Variants in SDK1 observed in about 807,000 individuals in gnomAD.
SDK1 encodes the protein protein sidekick-1.
A neutral mutation model predicts 245.5 loss-of-function variants in SDK1; 157 were observed. That is an observed-to-expected ratio of 0.64 (90% CI 0.56 to 0.73). The LOEUF (loss-of-function observed/expected upper bound fraction) is 0.73. Ranked by LOEUF, SDK1 falls within the 30% of genes least tolerant of loss-of-function variation. The probability of loss-of-function intolerance (pLI) is 0.00; values close to 1 mark genes in which losing one functional copy is unlikely to be tolerated. For missense variants in SDK1, 3,583 were observed against 3,002.3 expected (o/e 1.19, Z -4.52); for synonymous variants, 1,647 against 1,278.5 (o/e 1.29, Z -6.15).
chr7:3,901,797 T>A (rs751507923), intron 5 of SDK1, among the ~76,000 whole-genome samples: 7 of 152,266 alleles, frequency 4.6e-5, no homozygotes, highest in Non-Finnish European at 8.8e-5. Flanking sequence ...AGTCTTCTTC[T>A]GTAAGGAACT....
At chr7:3,822,666 G>T (rs1779674804) in intron 5 of SDK1, among the ~76,000 whole-genome samples, 3 of 152,152 alleles carry the variant, frequency 2.0e-5, no homozygotes, top group Admixed American at 1.3e-4. Flanking sequence ...TACAGGGGAG[G>T]CTGAGGCAGG....
At chr7:3,732,688 T>A (rs1195304776) in intron 4 of SDK1, among the ~76,000 whole-genome samples, 1 of 152,244 alleles carries the variant, frequency 6.6e-6, no homozygotes, top group Non-Finnish European at 1.5e-5. Flanking sequence ...GGCGCTGAAA[T>A]GTCTAGCCAC....
chr7:3,414,322 C>T (rs1227385922), intron 1 of SDK1, among the ~76,000 whole-genome samples: 8 of 152,162 alleles, frequency 5.3e-5, no homozygotes, highest in African/African-American at 1.7e-4. Flanking sequence ...CTGTTTGGCC[C>T]AGCCCACGGA....
At chr7:4,098,824 CTTTTTTTTTT>C (rs58678214) in intron 22 of SDK1, among the ~76,000 whole-genome samples, 3 of 82,864 alleles carry the variant, frequency 3.6e-5, no homozygotes, top group South Asian at 5.2e-4. Flanking sequence ...CCACAATGCC[CTTTTTTTTTT>C]TTTTTTTTTT....
chr7:4,149,475 G>A lies in SDK1; in HGVS notation c.4625+12G>A, dbSNP rs757897724. 4.8e-6 allele frequency: 7 copies of A among 1,449,858 alleles called. No individual in the cohort carries two copies. The highest frequency in any genetic ancestry group is 6.4e-6 in the Non-Finnish European group (7 of 1,096,808). The allele number at this position is 1,449,858 out of a possible 1,614,324, so 89.8% of individuals were successfully genotyped here. ...TGCGTCGTTGACAGGTACTGAGAGA[G>A]CAGGAGCACCTCCCCGGGGAACGGG... On this transcript the variant is annotated intron_variant, in intron 30 of 44. Transcript: ENST00000404826.
chr7:3,351,152 C>G (rs945963011), intron 1 of SDK1, among the ~76,000 whole-genome samples: 2 of 152,112 alleles, frequency 1.3e-5, no homozygotes, highest in African/African-American at 2.4e-5. Flanking sequence ...AATGGGCAGC[C>G]TTGTACTTCC....
chr7:4,103,559 ATTTTTGGTGATCATCTGTTT>A (rs1782712142), intron 22 of SDK1, among the ~76,000 whole-genome samples: 1 of 152,232 alleles, frequency 6.6e-6, no homozygotes, highest in Admixed American at 6.5e-5. Context: ...GTGTAGTTAC[ATTTTTGGTGATCATCTGTTT>A]TGGAGCTCCG....
At chr7:3,996,603 C>T (rs551605221) in intron 14 of SDK1, among the ~76,000 whole-genome samples, 1 of 152,224 alleles carries the variant, frequency 6.6e-6, no homozygotes, top group East Asian at 1.9e-4. Flanking sequence ...TGACTCATTG[C>T]TACTGTAAAT....
chr7:4,056,103 C>T (rs7804112), intron 19 of SDK1, among the ~76,000 whole-genome samples: 3 of 150,530 alleles, frequency 2.0e-5, no homozygotes, highest in Non-Finnish European at 4.4e-5. Flanking sequence ...GTCTATTTCT[C>T]CTTTTCAATT....
chr7:3,610,325 G>A (rs1465149577), intron 1 of SDK1, among the ~76,000 whole-genome samples: 1 of 152,114 alleles, frequency 6.6e-6, no homozygotes, highest in East Asian at 1.9e-4. Context: ...AATCAGGGTT[G>A]ATTTCTTAAG....
intron 1 of SDK1, among the ~76,000 whole-genome samples, chr7:3,537,343 C>G (rs1288030910): frequency 6.6e-6 from 1 of 152,218 alleles, no homozygotes; most frequent in Non-Finnish European, 1.5e-5. Context: ...CTAAGTCACA[C>G]AGCTGGGAAG....
At chr7:4,187,631 G>A (rs921999130) in intron 35 of SDK1, among the ~76,000 whole-genome samples, 2 of 152,122 alleles carry the variant, frequency 1.3e-5, no homozygotes, top group Non-Finnish European at 2.9e-5. Flanking sequence ...TTTTTTGCAT[G>A]GGGGTCTGTT....
At chr7:3,877,461 C>T (rs1378944114) in intron 5 of SDK1, among the ~76,000 whole-genome samples, 2 of 152,166 alleles carry the variant, frequency 1.3e-5, no homozygotes, top group African/African-American at 4.8e-5. Context: ...TCAGTGTGCC[C>T]AGCTTGGAAA....
At position 3,863,629 on chromosome 7, in the gene SDK1, A is replaced by G. The variant is rs576152996; in HGVS notation, c.847+42046A>G. Among the ~76,000 whole-genome samples the G allele has an allele frequency of 3.3e-5, 5 of 152,240 alleles. No individual in the cohort carries two copies. The South Asian group carries it at 1.0e-3, about 32-fold the overall frequency. ...TCACTCTCTCTATAACTTTTGTTCT[A>G]CTTTCTGTCTCTGAATGTTCCTACT... On this transcript the variant is annotated intron_variant, in intron 5 of 44. Coordinates refer to ENST00000404826, the MANE Select transcript of SDK1 (RefSeq NM_152744.4).
At chr7:4,075,807 A>C (rs565099688) in intron 20 of SDK1, among the ~76,000 whole-genome samples, 1 of 151,628 alleles carries the variant, frequency 6.6e-6, no homozygotes. Context: ...GGCGCCCACC[A>C]CCATGCATGG....
chr7:3,908,835 T>C (rs564284022), intron 5 of SDK1, among the ~76,000 whole-genome samples: 2 of 152,186 alleles, frequency 1.3e-5, no homozygotes, highest in South Asian at 2.1e-4. Flanking sequence ...ATTCATTTTT[T>C]TTTTTTTTTG....
At chr7:3,520,857 T>C (rs1782915803) in intron 1 of SDK1, among the ~76,000 whole-genome samples, 1 of 152,214 alleles carries the variant, frequency 6.6e-6, no homozygotes, top group South Asian at 2.1e-4. Context: ...ATTAGTTTCC[T>C]GTTTTTGCCA....
In SDK1 at chr7:3,464,698, G is replaced by GTATATATATATA. The variant is rs141577885; in HGVS notation, c.299-154375_299-154364dup. 4.8e-3 allele frequency among the ~76,000 whole-genome samples: 713 copies of GTATATATATATA among 147,996 alleles called. 1 individual carries two copies. Among genetic ancestry groups the GTATATATATATA allele is most frequent in the African/African-American group, 0.017 (675 of 39,284 alleles). ...TTATTCCCGTTCATTGTGTATGTATGTATATATATATATATATACACACAC... is the reference window on the plus strand; with the variant it reads ...TTATTCCCGTTCATTGTGTATGTATGTATATATATATATATATATATATATATATACACACAC... On this transcript the variant is annotated intron_variant, in intron 1 of 44. Transcript: ENST00000404826.
intron 1 of SDK1, among the ~76,000 whole-genome samples, chr7:3,346,285 G>C (rs1780490475): frequency 6.6e-6 from 1 of 152,122 alleles, no homozygotes; most frequent in Non-Finnish European, 1.5e-5. Flanking sequence ...GTTTCGGTGG[G>C]TGGGGACCTT....
Sources: allele counts gnomAD v4.1 joint callset (sites outside exome capture counted in the v4.1 genomes callset), GRCh38; gene constraint gnomAD v4.1.1; transcripts MANE v1.5; gene names NCBI Gene and HGNC (gene_info 2026-07-23, HGNC 2026-07-21).